NELL2: variants seen among roughly 807,000 people sequenced by gnomAD.
NELL2 encodes neural EGFL like 2, also known as protein kinase C-binding protein NELL2.
Under a neutral mutation model 109.6 loss-of-function variants are expected in NELL2, and 41 were observed. The observed-to-expected ratio is 0.37, with a 90% CI of 0.29 to 0.49. The LOEUF is 0.49. NELL2 is among the 20% of genes least tolerant of loss of function. The pLI is 0.98. For missense variants in NELL2, 900 were observed against 1,008.3 expected (o/e 0.89, Z 1.45); for synonymous variants, 355 against 344.7 (o/e 1.03, Z -0.33).
chr12:44,745,593 T>C (rs1226032904), intron 9 of NELL2, among the ~76,000 whole-genome samples: 1 of 152,168 alleles, frequency 6.6e-6, no homozygotes, highest in East Asian at 1.9e-4. Context: ...GATAAGCAAC[T>C]TCAGCAAAGT....
intron 3 of NELL2, among the ~76,000 whole-genome samples, chr12:44,795,606 T>C (rs1055693448): frequency 3.9e-5 from 6 of 152,310 alleles, no homozygotes; most frequent in Middle Eastern, 3.4e-3. Context: ...AATTTGAATA[T>C]GTTTTTTAAG....
intron 3 of NELL2, among the ~76,000 whole-genome samples, chr12:44,794,093 A>G (rs958123960): frequency 6.6e-6 from 1 of 152,166 alleles, no homozygotes; most frequent in African/African-American, 2.4e-5. Flanking sequence ...GGCTCGGCAC[A>G]GCAGGATGGT....
chr12:44,868,601 C>A (rs1945076936), intron 2 of NELL2, among the ~76,000 whole-genome samples: 1 of 152,138 alleles, frequency 6.6e-6, no homozygotes, highest in Non-Finnish European at 1.5e-5. Context: ...GTGGATCAAC[C>A]TGGAAGACAT....
At chr12:44,901,751 A>C (rs1403502340) in intron 1 of NELL2, among the ~76,000 whole-genome samples, 1 of 152,220 alleles carries the variant, frequency 6.6e-6, no homozygotes, top group Non-Finnish European at 1.5e-5. Context: ...TTCAATATAC[A>C]CAAATCAATA....
In NELL2 at chr12:44,638,346, G is replaced by A. The variant is rs376918143; in HGVS notation, c.1444+27138C>T. Among the ~76,000 whole-genome samples, 31 of 152,204 alleles carry A rather than the reference G, an allele frequency of 2.0e-4. No individual in the cohort carries two copies. In the East Asian group the frequency reaches 3.7e-3, roughly 18 times the overall value. On this transcript the variant is annotated intron_variant, in intron 13 of 19. Coordinates refer to ENST00000429094, the MANE Select transcript of NELL2 (RefSeq NM_001145108.2). ...TGTCTCATATCATAGATAGCACTGT[G>A]AGGTAAATGACCTTTTGAGGATTCT...
At chr12:44,608,446 A>T (rs777806334) in intron 14 of NELL2, among the ~76,000 whole-genome samples, 7 of 152,074 alleles carry the variant, frequency 4.6e-5, no homozygotes, top group Non-Finnish European at 7.4e-5. Flanking sequence ...GATACCGCAC[A>T]GAACTCAATG....
chr12:44,747,953 T>A (rs1160535152), intron 9 of NELL2, among the ~76,000 whole-genome samples: 1 of 152,160 alleles, frequency 6.6e-6, no homozygotes, highest in African/African-American at 2.4e-5. Context: ...AAACTCGTAA[T>A]GGAAAGATTC....
chr12:44,542,723 T>C (rs1942633441), intron 15 of NELL2, among the ~76,000 whole-genome samples: 1 of 152,132 alleles, frequency 6.6e-6, no homozygotes, highest in Admixed American at 6.5e-5. Context: ...GACTTTCCTG[T>C]TTCAGTCTGC....
intron 13 of NELL2, among the ~76,000 whole-genome samples, chr12:44,663,471 G>C (rs997208180): frequency 6.6e-6 from 1 of 152,144 alleles, no homozygotes; most frequent in East Asian, 1.9e-4. Context: ...TTTATCATCT[G>C]CCAGATCCTG....
chr12:44,782,235 A>G (rs1941989441), intron 3 of NELL2, among the ~76,000 whole-genome samples: 1 of 152,002 alleles, frequency 6.6e-6, no homozygotes, highest in African/African-American at 2.4e-5. Context: ...ATATAATGGA[A>G]TACCTACAGC....
At chr12:44,792,517 T>C (rs1292232459) in intron 3 of NELL2, among the ~76,000 whole-genome samples, 1 of 152,044 alleles carries the variant, frequency 6.6e-6, no homozygotes, top group African/African-American at 2.4e-5. Flanking sequence ...ATATAAAAAT[T>C]AAATCTTTTT....
At chr12:44,579,330 T>G (rs1944239363) in intron 15 of NELL2, among the ~76,000 whole-genome samples, 1 of 152,142 alleles carries the variant, frequency 6.6e-6, no homozygotes, top group African/African-American at 2.4e-5. Context: ...CAGATTATGT[T>G]CCCCCAAATC....
Position 44,844,475 on chromosome 12 carries a change from C to T in NELL2, c.185-28339G>A, listed in dbSNP as rs145439956. The stretch of plus-strand genomic sequence containing the variant: ...ACTCTCTGATGCCATTTAGACAAAG[C>T]ACTACAACATAGAAAACTAAGCAAT... On this transcript the variant is annotated intron_variant, in intron 2 of 19. Coordinates refer to ENST00000429094, the MANE Select transcript of NELL2 (RefSeq NM_001145108.2). Among the ~76,000 whole-genome samples the T allele has an allele frequency of 2.0e-5, 3 of 152,272 alleles. No homozygotes were observed. In the East Asian group the frequency reaches 5.8e-4, roughly 29 times the overall value.
chr12:44,769,468 G>A (rs1223746679), intron 9 of NELL2, among the ~76,000 whole-genome samples: 1 of 152,100 alleles, frequency 6.6e-6, no homozygotes, highest in Non-Finnish European at 1.5e-5. Flanking sequence ...CCAAGTGTGG[G>A]TGAGGGTGTG....
chr12:44,884,800 A>C (rs1256511612), intron 1 of NELL2, among the ~76,000 whole-genome samples: 1 of 152,096 alleles, frequency 6.6e-6, no homozygotes, highest in Non-Finnish European at 1.5e-5. Flanking sequence ...AAACGTGATT[A>C]TATCCACTGA....
chr12:44,810,778 C>T (rs917417960), intron 3 of NELL2, among the ~76,000 whole-genome samples: 2 of 152,010 alleles, frequency 1.3e-5, no homozygotes, highest in Non-Finnish European at 2.9e-5. Flanking sequence ...GGGATAGAAA[C>T]TGGGTCGCAG....
rs566205105 is a variant in NELL2, at chr12:44,781,150, A to G, written c.336-1128T>C. On this transcript the variant is annotated intron_variant, in intron 3 of 19. Coordinates refer to ENST00000429094, the MANE Select transcript of NELL2 (RefSeq NM_001145108.2). The stretch of plus-strand genomic sequence containing the variant: ...CAAAAACAATTATGAAAAGACTTAA[A>G]TGAAAAAAATAGAAAGTTTCAATAA... Among the ~76,000 whole-genome samples, 12 of 152,268 alleles carry G rather than the reference A, an allele frequency of 7.9e-5. No homozygotes were observed. The South Asian group carries it at 1.9e-3, about 24-fold the overall frequency.
chr12:44,804,896 A>T (rs940477149), intron 3 of NELL2, among the ~76,000 whole-genome samples: 11 of 151,946 alleles, frequency 7.2e-5, no homozygotes, highest in African/African-American at 2.7e-4. Context: ...TAGGGAAAAG[A>T]GAAAGCAATT....
intron 7 of NELL2, 46 bp downstream of exon 7, chr12:44,776,996 T>C: frequency 6.6e-7 from 1 of 1,520,200 alleles, no homozygotes; most frequent in Non-Finnish European, 9.1e-7. Flanking sequence ...ATTGGGAACA[T>C]CAAGGATTTT....
Sources: allele counts gnomAD v4.1 joint callset (sites outside exome capture counted in the v4.1 genomes callset), GRCh38; gene constraint gnomAD v4.1.1; transcripts MANE v1.5; gene names NCBI Gene and HGNC (gene_info 2026-07-23, HGNC 2026-07-21).